Variants in NR2E1 observed in about 807,000 individuals in gnomAD.
The protein encoded by NR2E1 is nuclear receptor TLX.
A neutral mutation model predicts 43.6 loss-of-function variants in NR2E1; 5 were observed. The observed-to-expected ratio is 0.11, with a 90% CI of 0.06 to 0.24. The LOEUF is 0.24. Among genes scored for constraint, NR2E1 ranks in the 10% least tolerant of loss-of-function variants. The pLI is 1.00. For synonymous variants in NR2E1, 191 were observed against 195.5 expected (o/e 0.98, Z 0.19); for missense variants, 287 against 496.7 (o/e 0.58, Z 4.01).
At chr6:108,172,143 G>T (rs575985630) in intron 2 of NR2E1, among the ~76,000 whole-genome samples, 1 of 152,328 alleles carries the variant, frequency 6.6e-6, no homozygotes, top group Admixed American at 6.5e-5. Flanking sequence ...TGGAAGAGAG[G>T]CCGTGCTTTC....
In NR2E1 at chr6:108,166,864, T is replaced by G. The variant is rs550398692; in HGVS notation, c.25+74T>G. On this transcript the variant is annotated intron_variant, in intron 1 of 8. Transcript: ENST00000368986. This position sits in a 1 kb window ranked among gnomAD's most constrained non-coding sequence, Gnocchi z 7.2. The stretch of plus-strand genomic sequence containing the variant: ...GAGCGAGCGGGGAGGCTGGGGGAGG[T>G]CCTGCCTGGAGCGCTGCGAATCTGA... The G allele has an allele frequency of 1.6e-4, 233 of 1,449,406 alleles. No individual in the cohort carries two copies. The highest frequency in any genetic ancestry group is 2.1e-4 in the Non-Finnish European group (225 of 1,060,054). The allele number at this position is 1,449,406 out of a possible 1,614,324, so 89.8% of individuals were successfully genotyped here.
Position 108,171,617 on chromosome 6 carries a change from G to A in NR2E1, c.171+14G>A, listed in dbSNP as rs759066743. The A allele has an allele frequency of 1.9e-6, 3 of 1,613,878 alleles. No homozygotes were observed. The highest frequency in any genetic ancestry group is 1.7e-6 in the Non-Finnish European group (2 of 1,180,016). On this transcript the variant is annotated intron_variant, in intron 2 of 8. Transcript: ENST00000368986. ...TCTGGAAACCAGGTACCTTAGCCAG[G>A]GCTGCACTGCTGGGCTCCGCTCTGC...
rs540335934 is a variant in NR2E1, at chr6:108,169,671, C to T, written c.26-1787C>T. Among the ~76,000 whole-genome samples the T allele has an allele frequency of 1.7e-4, 26 of 152,190 alleles. No homozygotes were observed. Among genetic ancestry groups the T allele is most frequent in the Admixed American group, 3.9e-4 (6 of 15,274 alleles). Reference sequence around the variant, plus strand: ...CGGTTCCTGAGCGACCAGGAACTCCCTTGGGCGCAGTGACAGGCCCGAAGG... The same window carrying T: ...CGGTTCCTGAGCGACCAGGAACTCCTTTGGGCGCAGTGACAGGCCCGAAGG... On this transcript the variant is annotated intron_variant, in intron 1 of 8. Coordinates refer to ENST00000368986, the MANE Select transcript of NR2E1 (RefSeq NM_003269.5). This position sits in a 1 kb window ranked among gnomAD's most constrained non-coding sequence, Gnocchi z 6.1.
rs752439921 is a variant in NR2E1 at position 108,166,507 on chromosome 6, T to C, written c.-259T>C. 2.7e-4 allele frequency: 132 copies of C among 481,480 alleles called. No individual in the cohort carries two copies. The highest frequency in any genetic ancestry group is 4.3e-4 in the Non-Finnish European group (120 of 276,462). 29.8% of individuals were successfully genotyped at this position (481,480 alleles called of 1,614,324 possible). A position where few individuals can be genotyped will look rare whatever the true frequency, so the allele number is the denominator to read the frequency against. On this transcript the variant is annotated 5_prime_UTR_variant, in exon 1 of 9. Coordinates refer to ENST00000368986, the MANE Select transcript of NR2E1 (RefSeq NM_003269.5). This position sits in a 1 kb window ranked among gnomAD's most constrained non-coding sequence, Gnocchi z 7.2. ...CTCCATCTGTCTGTCCATGTGTGTGTCCATATCAAGCAGCATTCCCAGCAG... is the reference window on the plus strand; with the variant it reads ...CTCCATCTGTCTGTCCATGTGTGTGCCCATATCAAGCAGCATTCCCAGCAG...
At chr6:108,172,091 C>T (rs570355769) in intron 2 of NR2E1, among the ~76,000 whole-genome samples, 74 of 152,306 alleles carry the variant, frequency 4.9e-4, no homozygotes, top group African/African-American at 1.6e-3. Context: ...GTCAAGGTCA[C>T]CACCACCTTT....
chr6:108,185,503 G>T (rs1242596219), intron 8 of NR2E1, among the ~76,000 whole-genome samples: 2 of 151,960 alleles, frequency 1.3e-5, no homozygotes, highest in East Asian at 1.9e-4. Context: ...CTCTGCCTCT[G>T]AGGCTCAAGC....
intron 8 of NR2E1, among the ~76,000 whole-genome samples, chr6:108,185,914 A>G (rs1372550049): frequency 6.6e-6 from 1 of 152,144 alleles, no homozygotes; most frequent in Non-Finnish European, 1.5e-5. Flanking sequence ...GTTTCTCACC[A>G]CGGGAAATGT....
intron 3 of NR2E1, among the ~76,000 whole-genome samples, chr6:108,175,514 C>T (rs191496104): frequency 6.6e-6 from 1 of 152,364 alleles, no homozygotes; most frequent in Non-Finnish European, 1.5e-5. Context: ...CAGGGTAACG[C>T]CCGTGGGTGC....
At position 108,176,591 on chromosome 6, in the gene NR2E1, C is replaced by T; in HGVS notation, c.348C>T (p.Ala116=). ...YFRGHKEENG[A]AAHFPSAALP... is the part of the protein sequence containing the mutation. ...GTGGACACAAGGAGGAGAACGGGGC[C>T]GCCGCGCACTTTCCCTCGGCGGCGC... The change falls in exon 4 of 9, where the codon GCC becomes GCT. Residue 116 remains alanine, a synonymous_variant. Transcript: ENST00000368986. 1 of 1,612,856 alleles carries T rather than the reference C, an allele frequency of 6.2e-7. No individual in the cohort carries two copies. The highest frequency in any genetic ancestry group is 8.5e-7 in the Non-Finnish European group (1 of 1,179,926).
chr6:108,169,793 C>G lies in NR2E1; in HGVS notation c.26-1665C>G, dbSNP rs370883306. 1.1e-4 allele frequency among the ~76,000 whole-genome samples: 17 copies of G among 152,144 alleles called. No individual in the cohort carries two copies. In the East Asian group the frequency reaches 1.7e-3, roughly 16 times the overall value. The stretch of plus-strand genomic sequence containing the variant: ...CTCCCGCCCTGTGGGAGGGGGGCGC[C>G]GAGCCGGTGGCCGCCGCGCCGCGCG... On this transcript the variant is annotated intron_variant, in intron 1 of 8. Coordinates refer to ENST00000368986, the MANE Select transcript of NR2E1 (RefSeq NM_003269.5). The surrounding 1 kb of genome is among the most constrained non-coding windows in gnomAD (Gnocchi z 6.1).
At chr6:108,186,752 T>A (rs1341227585) in intron 8 of NR2E1, among the ~76,000 whole-genome samples, 3 of 152,058 alleles carry the variant, frequency 2.0e-5, no homozygotes, top group African/African-American at 7.2e-5. Flanking sequence ...GAGAGTTGGG[T>A]GGCACTGCCA....
Position 108,171,613 on chromosome 6 carries a change from C to A in NR2E1, c.171+10C>A, listed in dbSNP as rs778104175. 1 of 1,614,006 alleles carries A rather than the reference C, an allele frequency of 6.2e-7. No homozygotes were observed. Among genetic ancestry groups the A allele is most frequent in the Non-Finnish European group, 8.5e-7 (1 of 1,180,034 alleles). ...CAAATCTGGAAACCAGGTACCTTAG[C>A]CAGGGCTGCACTGCTGGGCTCCGCT... On this transcript the variant is annotated intron_variant, in intron 2 of 8. Coordinates refer to ENST00000368986, the MANE Select transcript of NR2E1 (RefSeq NM_003269.5).
In NR2E1 at chr6:108,180,973, C is replaced by T; in HGVS notation, c.889+17C>T. On this transcript the variant is annotated intron_variant, in intron 7 of 8. Coordinates refer to ENST00000368986, the MANE Select transcript of NR2E1 (RefSeq NM_003269.5). This position sits in a 1 kb window ranked among gnomAD's most constrained non-coding sequence, Gnocchi z 5.4. ...TCAAAGCCGGTAAGCAGACACAGAC[C>T]CCTGTTTCTTCTCCTTCCCCAGTTT... 6.2e-7 allele frequency: 1 copy of T among 1,613,684 alleles called. No homozygotes were observed. The highest frequency in any genetic ancestry group is 1.1e-5 in the South Asian group (1 of 91,050).
intron 1 of NR2E1, among the ~76,000 whole-genome samples, chr6:108,167,693 T>C (rs912396289): frequency 1.3e-5 from 2 of 151,950 alleles, no homozygotes; most frequent in Non-Finnish European, 2.9e-5. Flanking sequence ...GGCTCCAGGG[T>C]CTGAGGCTGG....
At chr6:108,182,748 G>A (rs1774013699) in intron 8 of NR2E1, among the ~76,000 whole-genome samples, 2 of 151,934 alleles carry the variant, frequency 1.3e-5, no homozygotes, top group Admixed American at 1.3e-4. Context: ...CAGTAGAGAC[G>A]GGGTTTCACC....
chr6:108,177,724 T>C (rs771208905), intron 4 of NR2E1, among the ~76,000 whole-genome samples: 3 of 152,256 alleles, frequency 2.0e-5, no homozygotes, highest in African/African-American at 7.2e-5. Context: ...TGCCTATTAA[T>C]TTATACTTTT....
intron 1 of NR2E1, among the ~76,000 whole-genome samples, chr6:108,170,264 A>G (rs192932017): frequency 1.4e-3 from 206 of 152,332 alleles, no homozygotes; most frequent in African/African-American, 4.7e-3. Context: ...GGATAGGTAG[A>G]AGAAGAGAAA....
In NR2E1 at chr6:108,180,442, A is replaced by C; in HGVS notation, c.739+23A>C. 4 of 1,463,506 alleles carry C rather than the reference A, an allele frequency of 2.7e-6. No individual in the cohort carries two copies. Among genetic ancestry groups the C allele is most frequent in the Non-Finnish European group, 3.8e-6 (4 of 1,042,768 alleles). The allele number at this position is 1,463,506 out of a possible 1,614,324, so 90.7% of individuals were successfully genotyped here. On this transcript the variant is annotated intron_variant, in intron 6 of 8. Coordinates refer to ENST00000368986, the MANE Select transcript of NR2E1 (RefSeq NM_003269.5). This position sits in a 1 kb window ranked among gnomAD's most constrained non-coding sequence, Gnocchi z 5.4. The stretch of plus-strand genomic sequence containing the variant: ...CTGGTAAGAATTGCACAATTTAATG[A>C]CTTTGTTGTAGAAATTACCATAAAA...
intron 2 of NR2E1, among the ~76,000 whole-genome samples, chr6:108,173,802 G>C (rs1415117350): frequency 6.6e-6 from 1 of 152,136 alleles, no homozygotes; most frequent in African/African-American, 2.4e-5. Context: ...ATGTATCTAT[G>C]CATATGTCCC....
Sources: gnomAD v4.1 joint callset for allele counts (sites outside exome capture counted in the v4.1 genomes callset) on GRCh38, gnomAD v4.1.1 for gene constraint, Gnocchi (gnomAD v3.1) non-coding constraint, MANE v1.5 for transcripts, NCBI Gene and HGNC (gene_info 2026-07-23, HGNC 2026-07-21) for gene names.